Variants in GNPAT observed in about 807,000 individuals in gnomAD.
GNPAT encodes glyceronephosphate O-acyltransferase.
A neutral mutation model predicts 78.4 loss-of-function variants in GNPAT; 30 were observed. The ratio of observed to expected loss-of-function variants is 0.38; its 90% CI spans 0.29 to 0.52. GNPAT has a LOEUF of 0.52. GNPAT is among the 20% of genes least tolerant of loss of function. The probability of loss-of-function intolerance (pLI) is 0.84; values close to 1 mark genes in which losing one functional copy is unlikely to be tolerated. For synonymous variants in GNPAT, 271 were observed against 281.1 expected (o/e 0.96, Z 0.36); for missense variants, 714 against 812.2 (o/e 0.88, Z 1.47).
intron 9 of GNPAT, among the ~76,000 whole-genome samples, chr1:231,269,311 G>C (rs1370243967): frequency 6.6e-6 from 1 of 152,202 alleles, no homozygotes; most frequent in Non-Finnish European, 1.5e-5. Flanking sequence ...AAGATGGGAG[G>C]CTTGGGCCCC....
chr1:231,262,986 A>G (rs1685266898), intron 4 of GNPAT, 134 bp downstream of exon 4: 3 of 719,786 alleles, frequency 4.2e-6, no homozygotes, highest in South Asian at 3.1e-5. Flanking sequence ...GCACTGAATA[A>G]CTTGAGTTAT....
intron 1 of GNPAT, among the ~76,000 whole-genome samples, chr1:231,247,830 G>A (rs1273372774): frequency 1.3e-5 from 2 of 152,184 alleles, no homozygotes; most frequent in African/African-American, 4.8e-5. Context: ...TGGACTATTG[G>A]ATTAAGAGGA....
In GNPAT at chr1:231,270,755, T is replaced by G. The variant is rs1571955307; in HGVS notation, c.1280-3T>G. 3 of 1,614,104 alleles carry G rather than the reference T, an allele frequency of 1.9e-6. No homozygotes were observed. The highest frequency in any genetic ancestry group is 2.5e-6 in the Non-Finnish European group (3 of 1,179,940). On this transcript the variant is annotated splice_region_variant and splice_polypyrimidine_tract_variant and intron_variant, in intron 9 of 15. Coordinates refer to ENST00000366647, the MANE Select transcript of GNPAT (RefSeq NM_014236.4). The stretch of plus-strand genomic sequence containing the variant: ...TGTTTGAATGAATTGTCTTTGTGTG[T>G]AGATAATAAACCTGCTGAAGAAGTT...
At chr1:231,269,646 A>G (rs965732451) in intron 9 of GNPAT, among the ~76,000 whole-genome samples, 1 of 152,206 alleles carries the variant, frequency 6.6e-6, no homozygotes, top group Non-Finnish European at 1.5e-5. Context: ...GGATGTGTTA[A>G]TTATGATACA....
chr1:231,256,825 C>T (rs1398564213), intron 2 of GNPAT, among the ~76,000 whole-genome samples: 1 of 152,166 alleles, frequency 6.6e-6, no homozygotes, highest in Admixed American at 6.5e-5. Context: ...CTATGTATCT[C>T]CACCTCTGCT....
intron 1 of GNPAT, among the ~76,000 whole-genome samples, chr1:231,246,524 T>C (rs1280748733): frequency 6.6e-6 from 1 of 152,192 alleles, no homozygotes; most frequent in African/African-American, 2.4e-5. Flanking sequence ...CCTATTTCAC[T>C]AGCAGTAGGG....
chr1:231,244,218 G>A (rs948705383), intron 1 of GNPAT, among the ~76,000 whole-genome samples: 9 of 152,152 alleles, frequency 5.9e-5, no homozygotes, highest in Admixed American at 5.9e-4. Flanking sequence ...GGTTTCTGGT[G>A]TGATTATCTG....
intron 8 of GNPAT, 82 bp from the exon 9 acceptor site, chr1:231,267,598 C>A (rs540824901): frequency 6.2e-5 from 53 of 858,990 alleles, no homozygotes; most frequent in Non-Finnish European, 1.0e-4. Flanking sequence ...GAGAAGCCTT[C>A]TAAAACGTCT....
At chr1:231,254,734 C>T (rs1270172213) in intron 2 of GNPAT, among the ~76,000 whole-genome samples, 1 of 151,704 alleles carries the variant, frequency 6.6e-6, no homozygotes, top group Non-Finnish European at 1.5e-5. Flanking sequence ...AGGCGTGAGC[C>T]ATTGCGTCCG....
chr1:231,244,905 A>G (rs1684708038), intron 1 of GNPAT, among the ~76,000 whole-genome samples: 1 of 152,218 alleles, frequency 6.6e-6, no homozygotes, highest in Non-Finnish European at 1.5e-5. Context: ...CAGATGCCTT[A>G]CTACAGTGTC....
intron 12 of GNPAT, chr1:231,274,777 C>T (rs1685664386): frequency 4.3e-6 from 1 of 232,700 alleles, no homozygotes; most frequent in Non-Finnish European, 8.5e-6. Flanking sequence ...AAGTCTAGCA[C>T]TTACTGAGCA....
chr1:231,259,157 C>T (rs1685150153), intron 2 of GNPAT, among the ~76,000 whole-genome samples: 1 of 145,254 alleles, frequency 6.9e-6, no homozygotes, highest in Non-Finnish European at 1.5e-5. Context: ...TATTTATAAA[C>T]TTTTTTTTTT....
In GNPAT at chr1:231,265,776, C is replaced by G; in HGVS notation, c.761C>G (p.Thr254Ser). The G allele has an allele frequency of 6.3e-7, 1 of 1,591,014 alleles. No individual in the cohort carries two copies. The highest frequency in any genetic ancestry group is 8.6e-7 in the Non-Finnish European group (1 of 1,158,840). Reference protein sequence around the residue: ...GTRSRSAKTLTPKFGLLNIVM... With the variant: ...GTRSRSAKTLSPKFGLLNIVM... ...AGAAGCCGCTCTGCCAAGACATTGA[C>G]TCCTAAATTTGGTAGGTCACTACAG... Residue 254 changes from threonine (T) to serine (S), a missense_variant, in exon 6 of 16, where the codon ACT becomes AGT. Thr to Ser is a moderately conservative substitution (Grantham distance 58). Coordinates refer to ENST00000366647, the MANE Select transcript of GNPAT (RefSeq NM_014236.4).
intron 12 of GNPAT, 90 bp downstream of exon 12, chr1:231,274,152 C>A: frequency 1.8e-6 from 2 of 1,131,520 alleles, no homozygotes; most frequent in Non-Finnish European, 2.7e-6. Context: ...GTCTGAAGGG[C>A]AGGTATCTTC....
intron 4 of GNPAT, 138 bp from the exon 5 acceptor site, chr1:231,265,155 A>T (rs1374062709): frequency 2.8e-6 from 2 of 708,000 alleles, no homozygotes; most frequent in Admixed American, 2.3e-5. Flanking sequence ...GAAGTTTGTG[A>T]CCAACCTAGC....
At chr1:231,268,055 C>T (rs1202368574) in intron 9 of GNPAT, 152 bp downstream of exon 9, 19 of 685,114 alleles carry the variant, frequency 2.8e-5, no homozygotes, top group Non-Finnish European at 2.7e-6. Flanking sequence ...GTAATCCCAG[C>T]ACTTTGGGAG....
chr1:231,241,954 T>C (rs959041361), intron 1 of GNPAT, among the ~76,000 whole-genome samples: 24 of 152,262 alleles, frequency 1.6e-4, no homozygotes, highest in Non-Finnish European at 1.5e-5. Context: ...CAGGAAAATT[T>C]AGAACTTCTA....
At chr1:231,261,800 T>C (rs181598560) in intron 3 of GNPAT, among the ~76,000 whole-genome samples, 24 of 152,358 alleles carry the variant, frequency 1.6e-4, no homozygotes, top group Admixed American at 7.2e-4. Context: ...TTTTATATTT[T>C]TTTCTTCTAG....
At chr1:231,273,170 G>A (rs533806831) in intron 11 of GNPAT, among the ~76,000 whole-genome samples, 1 of 152,062 alleles carries the variant, frequency 6.6e-6, no homozygotes, top group East Asian at 1.9e-4. Context: ...GACAGTAGAT[G>A]AGAGGCATGT....
Sources: gnomAD v4.1 joint callset for allele counts (sites outside exome capture counted in the v4.1 genomes callset) on GRCh38, gnomAD v4.1.1 for gene constraint, MANE v1.5 for transcripts, NCBI Gene and HGNC (gene_info 2026-07-23, HGNC 2026-07-21) for gene names.